The following ASB4 variants were observed in gnomAD, a reference collection of about 807,000 sequenced individuals.
ASB4 encodes ankyrin repeat and SOCS box protein 4.
In ASB4, 35 loss-of-function variants were observed where a neutral mutation model predicts 38.6. The observed-to-expected ratio is 0.91, with a 90% confidence interval of 0.69 to 1.20. The LOEUF is 1.20. Among genes scored for constraint, ASB4 ranks in the 50% most tolerant of loss-of-function variants. ASB4 has a pLI of 0.00. For synonymous variants in ASB4, 195 were observed against 201.3 expected, an observed-to-expected ratio of 0.97 and a Z score of 0.26; for missense variants, 557 against 527.2, an observed-to-expected ratio of 1.06 and a Z score of -0.55.
At chr7:95,511,717 T>C (rs1790485048) in intron 2 of ASB4, among the ~76,000 whole-genome samples, 1 of 152,166 alleles carries the variant, frequency 6.6e-6, no homozygotes, top group African/African-American at 2.4e-5. Flanking sequence ...GCATTTATTT[T>C]GCATGCTTGG....
At chr7:95,502,727 T>A (rs1366019623) in intron 2 of ASB4, among the ~76,000 whole-genome samples, 3 of 152,230 alleles carry the variant, frequency 2.0e-5, no homozygotes, top group Non-Finnish European at 4.4e-5. Context: ...TATATTTTAC[T>A]TATTTTACCT....
chr7:95,479,034 C>T (rs1790001588), intron 1 of ASB4, among the ~76,000 whole-genome samples: 1 of 152,156 alleles, frequency 6.6e-6, no homozygotes, highest in African/African-American at 2.4e-5. Context: ...AGGTCTTCTG[C>T]CCTTGCAAAA....
At chr7:95,514,562 G>T (rs1790528603) in intron 2 of ASB4, among the ~76,000 whole-genome samples, 1 of 152,152 alleles carries the variant, frequency 6.6e-6, no homozygotes, top group African/African-American at 2.4e-5. Context: ...TGGCTTCAGG[G>T]TACACAAATT....
intron 1 of ASB4, among the ~76,000 whole-genome samples, chr7:95,479,542 G>GAAT: frequency 6.6e-6 from 1 of 152,252 alleles, no homozygotes; most frequent in South Asian, 2.1e-4. Context: ...TGGCCTCTGG[G>GAAT]AATAGATCAT....
chr7:95,537,842 T>G lies in ASB4; in HGVS notation c.*83T>G. 2.5e-6 allele frequency: 3 copies of G among 1,197,476 alleles called. No homozygotes were observed. The highest frequency in any genetic ancestry group is 3.6e-6 in the Non-Finnish European group (3 of 841,254). 74.2% of individuals were successfully genotyped at this position (1,197,476 alleles called of 1,614,324 possible). A position where few individuals can be genotyped will look rare whatever the true frequency, so the allele number is the denominator to read the frequency against. On this transcript the variant is annotated 3_prime_UTR_variant, in exon 5 of 5. Transcript: ENST00000325885. The stretch of plus-strand genomic sequence containing the variant: ...ACAGTTTGCCTAAATAAAATGGTAC[T>G]TGGGTTGATTATAACACTTCAGGGA...
chr7:95,530,975 TA>T (rs1376406503), intron 3 of ASB4, among the ~76,000 whole-genome samples: 1 of 152,168 alleles, frequency 6.6e-6, no homozygotes, highest in Non-Finnish European at 1.5e-5. Context: ...TGTGATTAAA[TA>T]AACTGCTGAA....
At chr7:95,474,491 T>C (rs923106239), upstream of ASB4, among the ~76,000 whole-genome samples, 2 of 152,194 alleles carry the variant, frequency 1.3e-5, no homozygotes, top group Non-Finnish European at 2.9e-5. Flanking sequence ...GATTGCAGAA[T>C]GTGCAGTTTA....
upstream of ASB4, among the ~76,000 whole-genome samples, chr7:95,476,228 A>T (rs1399506611): frequency 6.6e-6 from 1 of 152,210 alleles, no homozygotes; most frequent in African/African-American, 2.4e-5. Flanking sequence ...ACCTAATAAT[A>T]ACTCAGTCAA....
chr7:95,540,948 C>T (rs1325511079), downstream of ASB4, among the ~76,000 whole-genome samples: 1 of 152,214 alleles, frequency 6.6e-6, no homozygotes, highest in Admixed American at 6.5e-5. Context: ...TATTACTCAT[C>T]TGATTGTTTG....
chr7:95,535,085 C>T (rs541031032), intron 3 of ASB4, among the ~76,000 whole-genome samples: 72 of 152,054 alleles, frequency 4.7e-4, no homozygotes, highest in Non-Finnish European at 6.8e-4. Flanking sequence ...CACACACATG[C>T]GCACACTCTT....
At chr7:95,514,365 A>C (rs1790525825) in intron 2 of ASB4, among the ~76,000 whole-genome samples, 1 of 152,202 alleles carries the variant, frequency 6.6e-6, no homozygotes, top group East Asian at 1.9e-4. Flanking sequence ...ATACAGAAAA[A>C]CTTACCAAAG....
In ASB4 at chr7:95,501,866, T is replaced by A. The variant is rs139483916; in HGVS notation, c.487+5809T>A. ...CACTAATGAATTAGGCTTATAAGAA[T>A]CAAGGAGAGAGAATAGAAGTCCATT... On this transcript the variant is annotated intron_variant, in intron 2 of 4. Coordinates refer to ENST00000325885, the MANE Select transcript of ASB4 (RefSeq NM_016116.3). Among the ~76,000 whole-genome samples the A allele has an allele frequency of 1.9e-3, 283 of 152,216 alleles. 6 individuals are homozygous for A. In the East Asian group the frequency reaches 0.045, roughly 24 times the overall value.
At position 95,536,414 on chromosome 7, in the gene ASB4, G is replaced by A. The variant is rs779783287; in HGVS notation, c.979-23G>A. The A allele has an allele frequency of 2.0e-6, 3 of 1,465,646 alleles. No homozygotes were observed. In the South Asian group the frequency reaches 3.4e-5, roughly 17 times the overall value. The allele number at this position is 1,465,646 out of a possible 1,614,324, so 90.8% of individuals were successfully genotyped here. A position where few individuals can be genotyped will look rare whatever the true frequency, so the allele number is the denominator to read the frequency against. ...AACCATATATGTGCATCAAACAGAT[G>A]AAACTCTGTGCTTCCTCTGCAGGTG... is the stretch of plus-strand genomic sequence containing the variant. On this transcript the variant is annotated intron_variant, in intron 3 of 4. Transcript: ENST00000325885.
the ASB4 span, among the ~76,000 whole-genome samples, chr7:95,550,129 C>G: frequency 1.3e-4 from 20 of 152,248 alleles, no homozygotes; most frequent in African/African-American, 4.3e-4. Context: ...TCCAGGTTCC[C>G]TAAAAATTTA....
At chr7:95,500,562 C>A (rs1790320035) in intron 2 of ASB4, among the ~76,000 whole-genome samples, 1 of 88,376 alleles carries the variant, frequency 1.1e-5, no homozygotes, top group Non-Finnish European at 1.9e-5. Context: ...AGAGCAAGAT[C>A]TGTCTCAAAA....
At chr7:95,522,565 T>A (rs924997846) in intron 2 of ASB4, among the ~76,000 whole-genome samples, 5 of 152,306 alleles carry the variant, frequency 3.3e-5, no homozygotes, top group African/African-American at 1.2e-4. Context: ...TATGTGTAGA[T>A]GATACTCTCT....
upstream of ASB4, among the ~76,000 whole-genome samples, chr7:95,474,190 T>C (rs77945909): frequency 0.031 from 4,731 of 152,332 alleles, 235 homozygotes; most frequent in African/African-American, 0.11. Context: ...GCATATGTGC[T>C]GAACTTTAGT....
At chr7:95,487,421 T>G (rs1001882480) in intron 1 of ASB4, among the ~76,000 whole-genome samples, 2 of 152,204 alleles carry the variant, frequency 1.3e-5, no homozygotes, top group Non-Finnish European at 2.9e-5. Flanking sequence ...TTTTAAGATG[T>G]TTTTAAAAAG....
intron 2 of ASB4, among the ~76,000 whole-genome samples, chr7:95,520,305 C>A (rs373668393): frequency 6.6e-6 from 1 of 152,182 alleles, no homozygotes; most frequent in Non-Finnish European, 1.5e-5. Flanking sequence ...CTGATCTCTC[C>A]AACTCTTCCA....
Sources: gnomAD v4.1 joint callset for allele counts (sites outside exome capture counted in the v4.1 genomes callset) on GRCh38, gnomAD v4.1.1 for gene constraint, MANE v1.5 for transcripts, NCBI Gene and HGNC (gene_info 2026-07-23, HGNC 2026-07-21) for gene names.